The following CACNA1E variants were observed in gnomAD, a reference collection of about 807,000 sequenced individuals.
CACNA1E encodes voltage-dependent R-type calcium channel subunit alpha-1E.
CACNA1E carries 40 observed loss-of-function variants against 259.2 expected under a neutral mutation model. That is an observed-to-expected ratio of 0.15 (90% CI 0.12 to 0.20). The LOEUF (loss-of-function observed/expected upper bound fraction) is 0.20, where lower values mean the gene tolerates loss of function less well. CACNA1E is among the 10% of genes least tolerant of loss of function. The probability of loss-of-function intolerance (pLI) is 1.00; values close to 1 mark genes in which losing one functional copy is unlikely to be tolerated. For missense variants in CACNA1E, 1,874 were observed against 3,040.1 expected (o/e 0.62, Z 9.02); for synonymous variants, 1,104 against 1,138.5 (o/e 0.97, Z 0.61).
chr1:181,467,546 G>T (rs1662226764), intron 2 of CACNA1E, among the ~76,000 whole-genome samples: 1 of 152,040 alleles, frequency 6.6e-6, no homozygotes, highest in South Asian at 2.1e-4. Context: ...TTTTCAGCTT[G>T]GGTTGTCCCT....
At chr1:181,384,100 C>T (rs1409239320) in intron 1 of CACNA1E, among the ~76,000 whole-genome samples, 1 of 152,176 alleles carries the variant, frequency 6.6e-6, no homozygotes, top group Non-Finnish European at 1.5e-5. Flanking sequence ...GTATGGCTGC[C>T]ACATTGGGCA....
intron 2 of CACNA1E, among the ~76,000 whole-genome samples, chr1:181,430,199 A>T (rs1056646265): frequency 1.2e-4 from 18 of 152,330 alleles, no homozygotes; most frequent in Middle Eastern, 3.4e-3. Flanking sequence ...ACCACAATGT[A>T]GCAGTCTCTC....
At chr1:181,398,426 T>C (rs893469737) in intron 1 of CACNA1E, among the ~76,000 whole-genome samples, 3 of 152,234 alleles carry the variant, frequency 2.0e-5, no homozygotes, top group African/African-American at 7.2e-5. Flanking sequence ...TTAACCCTCA[T>C]AATAAATCTA....
At chr1:181,419,973 C>T (rs1478379413) in intron 2 of CACNA1E, among the ~76,000 whole-genome samples, 1 of 152,136 alleles carries the variant, frequency 6.6e-6, no homozygotes, top group African/African-American at 2.4e-5. Flanking sequence ...TAGACAGGAT[C>T]CCTTTGGCTC....
chr1:181,425,649 C>T (rs916878108), intron 2 of CACNA1E, among the ~76,000 whole-genome samples: 2 of 150,726 alleles, frequency 1.3e-5, no homozygotes, highest in African/African-American at 4.9e-5. Flanking sequence ...AAGGCTGAGG[C>T]GCAGAGAAGG....
intron 1 of CACNA1E, among the ~76,000 whole-genome samples, chr1:181,356,031 AT>A (rs1168097586): frequency 1.3e-5 from 2 of 152,004 alleles, no homozygotes; most frequent in African/African-American, 4.8e-5. Flanking sequence ...AAAAATACTC[AT>A]TTTTTAAAAC....
At chr1:181,379,296 T>C (rs2804714) in intron 1 of CACNA1E, among the ~76,000 whole-genome samples, 74,249 of 151,930 alleles carry the variant, frequency 0.49, 18,489 homozygotes, top group African/African-American at 0.58. Flanking sequence ...AAAAAATATT[T>C]GAAGAAACAA....
intron 2 of CACNA1E, among the ~76,000 whole-genome samples, chr1:181,448,761 G>T (rs1286857105): frequency 6.6e-6 from 1 of 152,206 alleles, no homozygotes; most frequent in Non-Finnish European, 1.5e-5. Context: ...GTGGAACCAG[G>T]CATCTTATCC....
In CACNA1E at chr1:181,776,832, G is replaced by A. The variant is rs756930681; in HGVS notation, c.5267+604G>A. ...TTTAGTAGTTCTGAAGTGATAGCGT[G>A]CCTTCTAGGCTCTAGAGCAGGGATT... On this transcript the variant is annotated intron_variant, in intron 38 of 47. Transcript: ENST00000367573. The surrounding 1 kb of genome is among the most constrained non-coding windows in gnomAD (Gnocchi z 4.4). Among the ~76,000 whole-genome samples the A allele has an allele frequency of 6.6e-6, 1 of 152,216 alleles. No individual in the cohort carries two copies. Among genetic ancestry groups the A allele is most frequent in the Non-Finnish European group, 1.5e-5 (1 of 68,042 alleles).
intron 7 of CACNA1E, among the ~76,000 whole-genome samples, chr1:181,687,792 A>T (rs1650732718): frequency 6.6e-6 from 1 of 152,152 alleles, no homozygotes; most frequent in African/African-American, 2.4e-5. Context: ...CTATAACTTT[A>T]AAAGACATTA....
chr1:181,378,903 A>G (rs2101987305), intron 1 of CACNA1E, among the ~76,000 whole-genome samples: 1 of 152,360 alleles, frequency 6.6e-6, no homozygotes, highest in East Asian at 1.9e-4. Flanking sequence ...AGGCTCACAA[A>G]TATTTATGGG....
chr1:181,338,995 GCT>G (rs1651937471), intron 1 of CACNA1E, among the ~76,000 whole-genome samples: 1 of 150,888 alleles, frequency 6.6e-6, no homozygotes, highest in African/African-American at 2.4e-5. Context: ...TTATTTCTAG[GCT>G]CTCTATTCTG....
At chr1:181,444,274 A>G (rs1396397561) in intron 2 of CACNA1E, among the ~76,000 whole-genome samples, 1 of 152,142 alleles carries the variant, frequency 6.6e-6, no homozygotes, top group Non-Finnish European at 1.5e-5. Context: ...GGGCTGACCA[A>G]AGCATTCACT....
At chr1:181,587,752 G>A (rs1206754097) in intron 6 of CACNA1E, among the ~76,000 whole-genome samples, 1 of 152,082 alleles carries the variant, frequency 6.6e-6, no homozygotes, top group Non-Finnish European at 1.5e-5. Context: ...GCGCAGTGGC[G>A]GGCGCCTGTA....
intron 6 of CACNA1E, among the ~76,000 whole-genome samples, chr1:181,592,723 TG>T (rs1189158804): frequency 6.6e-6 from 1 of 152,082 alleles, no homozygotes; most frequent in Non-Finnish European, 1.5e-5. Flanking sequence ...TCTTTGGTGA[TG>T]ATGCTTGACC....
intron 6 of CACNA1E, among the ~76,000 whole-genome samples, chr1:181,590,412 A>ATAT (rs1423754228): frequency 5.3e-4 from 65 of 121,638 alleles, no homozygotes; most frequent in Non-Finnish European, 8.6e-4. Context: ...AAAAAAAAAA[A>ATAT]AAAAATATAT....
intron 1 of CACNA1E, among the ~76,000 whole-genome samples, chr1:181,349,490 G>A (rs1413453640): frequency 1.3e-5 from 2 of 152,230 alleles, no homozygotes; most frequent in Admixed American, 6.5e-5. Flanking sequence ...GGGGAATGAA[G>A]CAGTGACATT....
At chr1:181,752,820 C>T (rs3767007) in intron 27 of CACNA1E, among the ~76,000 whole-genome samples, 16,627 of 152,190 alleles carry the variant, frequency 0.11, 962 homozygotes, top group Middle Eastern at 0.16. Context: ...AGGACCTTTA[C>T]TAGGTATCTT....
At chr1:181,320,021 C>T (rs981468630) in intron 1 of CACNA1E, among the ~76,000 whole-genome samples, 1 of 152,212 alleles carries the variant, frequency 6.6e-6, no homozygotes, top group Non-Finnish European at 1.5e-5. Flanking sequence ...TGATTTACAT[C>T]TATTCCTCTG....
Sources: allele counts gnomAD v4.1 joint callset (sites outside exome capture counted in the v4.1 genomes callset), GRCh38; gene constraint gnomAD v4.1.1; non-coding constraint Gnocchi (gnomAD v3.1); transcripts MANE v1.5; gene names NCBI Gene and HGNC (gene_info 2026-07-23, HGNC 2026-07-21).